Variants in MDM4 observed in about 807,000 individuals in gnomAD.
The protein encoded by MDM4 is MDM4 regulator of p53.
In MDM4, 2 loss-of-function variants were observed where a neutral mutation model predicts 60.2. The ratio of observed to expected loss-of-function variants is 0.03; its 90% CI spans 0.01 to 0.10. The LOEUF (loss-of-function observed/expected upper bound fraction) is 0.10. MDM4 is among the 10% of genes least tolerant of loss of function. MDM4 has a pLI of 1.00. For missense variants in MDM4, 447 were observed against 577.5 expected (o/e 0.77, Z 2.32); for synonymous variants, 202 against 198.1 (o/e 1.02, Z -0.17).
At chr1:204,533,112 C>T (rs1188987499) in intron 5 of MDM4, among the ~76,000 whole-genome samples, 1 of 152,194 alleles carries the variant, frequency 6.6e-6, no homozygotes, top group African/African-American at 2.4e-5. Context: ...GCCAATTTGT[C>T]TAACCCTTTG....
At chr1:204,542,094 G>A (rs780678848) in intron 7 of MDM4, among the ~76,000 whole-genome samples, 5 of 152,172 alleles carry the variant, frequency 3.3e-5, no homozygotes, top group African/African-American at 9.7e-5. Flanking sequence ...TTGAAATAAC[G>A]TGGGGTCTTA....
intron 1 of MDM4, among the ~76,000 whole-genome samples, chr1:204,517,343 C>T (rs1464258794): frequency 1.3e-5 from 2 of 152,078 alleles, no homozygotes; most frequent in Non-Finnish European, 2.9e-5. Context: ...AGCACACCTC[C>T]CAGTGATTTT....
chr1:204,545,944 A>G (rs1186439942), intron 9 of MDM4, among the ~76,000 whole-genome samples: 2 of 152,186 alleles, frequency 1.3e-5, no homozygotes, highest in African/African-American at 2.4e-5. Flanking sequence ...TTGGACCACA[A>G]AACTAGGGCT....
rs71147703 is a variant in MDM4, at chr1:204,552,872, C to CTTTTTTTTTTT, written c.*3196_*3206dup. 3 of 133,570 alleles carry CTTTTTTTTTTT rather than the reference C, an allele frequency of 2.2e-5. No individual in the cohort carries two copies. Among genetic ancestry groups the CTTTTTTTTTTT allele is most frequent in the Non-Finnish European group, 3.2e-5 (2 of 62,478 alleles). The allele number at this position is 133,570 out of a possible 1,614,324, so 8.3% of individuals were successfully genotyped here. A position where few individuals can be genotyped will look rare whatever the true frequency, so the allele number is the denominator to read the frequency against. On this transcript the variant is annotated 3_prime_UTR_variant, in exon 11 of 11. Coordinates refer to ENST00000367182, the MANE Select transcript of MDM4 (RefSeq NM_002393.5). ...AACTTTAAACTATTTCTTTTCTTTT[C>CTTTTTTTTTTT]TTTTTTTTTTTTTTTTACTTGAGAT...
chr1:204,518,808 G>A (rs931185675), intron 1 of MDM4, among the ~76,000 whole-genome samples: 3 of 152,316 alleles, frequency 2.0e-5, no homozygotes, highest in African/African-American at 7.2e-5. Context: ...TGGATTACAG[G>A]CGTTGTGCCA....
rs56047802 is a variant in MDM4 at position 204,551,461 on chromosome 1, CT to C, written c.*1808del. 4.5e-3 allele frequency: 413 copies of C among 91,276 alleles called. No individual in the cohort carries two copies. Among genetic ancestry groups the C allele is most frequent in the African/African-American group, 0.011 (151 of 13,790 alleles). 5.7% of individuals were successfully genotyped at this position (91,276 alleles called of 1,614,324 possible). The stretch of plus-strand genomic sequence containing the variant: ...ATACTGGATGGTTGAGAGGCAGCCT[CT>C]TTTTTTTTTTTTTTTTTTTTTTTTT... On this transcript the variant is annotated 3_prime_UTR_variant, in exon 11 of 11. Transcript: ENST00000367182.
intron 5 of MDM4, among the ~76,000 whole-genome samples, chr1:204,533,060 A>G (rs1050511946): frequency 2.6e-5 from 4 of 152,182 alleles, no homozygotes; most frequent in African/African-American, 9.7e-5. Context: ...AGGTCACTCA[A>G]GAACCTTTTA....
At chr1:204,524,228 A>G (rs1659877147) in intron 1 of MDM4, among the ~76,000 whole-genome samples, 1 of 152,188 alleles carries the variant, frequency 6.6e-6, no homozygotes, top group Non-Finnish European at 1.5e-5. Flanking sequence ...CTCAGAACTC[A>G]TTGTACTTAA....
intron 10 of MDM4, among the ~76,000 whole-genome samples, chr1:204,547,712 C>T (rs547453364): frequency 1.3e-5 from 2 of 152,146 alleles, no homozygotes; most frequent in Non-Finnish European, 2.9e-5. Context: ...ATACAAATAA[C>T]AGAGATAAAT....
intron 2 of MDM4, among the ~76,000 whole-genome samples, chr1:204,526,075 T>G (rs971847996): frequency 6.6e-6 from 1 of 152,010 alleles, no homozygotes; most frequent in East Asian, 1.9e-4. Flanking sequence ...GGAAACATGG[T>G]GAAACCCCCT....
chr1:204,535,348 G>T (rs533428844), intron 5 of MDM4, among the ~76,000 whole-genome samples: 201 of 151,508 alleles, frequency 1.3e-3, no homozygotes, highest in Non-Finnish European at 2.3e-3. Context: ...TAGTAGAGAC[G>T]GGGTTTCACC....
chr1:204,545,106 G>A (rs1160094929), intron 9 of MDM4, among the ~76,000 whole-genome samples: 4 of 152,114 alleles, frequency 2.6e-5, no homozygotes, highest in African/African-American at 9.7e-5. Flanking sequence ...TATCATTAGT[G>A]TTAGTGTATT....
rs2102469390 is a variant in MDM4 at position 204,551,962 on chromosome 1, A to G, written c.*2280A>G. 5.7e-6 allele frequency: 1 copy of G among 176,710 alleles called. No individual in the cohort carries two copies. Among genetic ancestry groups the G allele is most frequent in the East Asian group, 9.3e-5 (1 of 10,754 alleles). 10.9% of individuals were successfully genotyped at this position (176,710 alleles called of 1,614,324 possible). On this transcript the variant is annotated 3_prime_UTR_variant, in exon 11 of 11. Coordinates refer to ENST00000367182, the MANE Select transcript of MDM4 (RefSeq NM_002393.5). ...ACCACACATAAAATACACTAACACT[A>G]ACAATAGCTGATGAGCTAAAAAAAA...
chr1:204,527,128 CTA>C (rs1660275611), intron 3 of MDM4, among the ~76,000 whole-genome samples: 2 of 92,290 alleles, frequency 2.2e-5, no homozygotes, highest in Non-Finnish European at 2.8e-5. Flanking sequence ...AACCCTGTCT[CTA>C]AAAAAAAAAA....
rs1428762771 is a variant in MDM4 at position 204,528,774 on chromosome 1, C to T, written c.154-1910C>T. On this transcript the variant is annotated intron_variant, in intron 3 of 10. Transcript: ENST00000367182. ...GGGACAGGAAAAGAAGAGAGAGGTC[C>T]ACGTACTTCTGTCACTCTAGGAAGC... 9.1e-6 allele frequency: 8 copies of T among 883,056 alleles called. No individual in the cohort carries two copies. In the East Asian group the frequency reaches 1.5e-4, roughly 17 times the overall value. 54.7% of individuals were successfully genotyped at this position (883,056 alleles called of 1,614,324 possible).
intron 3 of MDM4, 98 bp downstream of exon 3, chr1:204,526,532 C>T (rs1159227593): frequency 2.4e-6 from 2 of 825,370 alleles, no homozygotes; most frequent in Non-Finnish European, 1.9e-6. Context: ...GGTGCGATCT[C>T]AGATCACTGC....
At chr1:204,538,358 A>T (rs1661634543) in intron 7 of MDM4, 50 bp downstream of exon 7, 1 of 958,070 alleles carries the variant, frequency 1.0e-6, no homozygotes, top group Non-Finnish European at 1.7e-6. Context: ...TCCTCTTCCA[A>T]CCTTTTTATT....
chr1:204,545,667 T>G (rs1432964785), intron 9 of MDM4, among the ~76,000 whole-genome samples: 1 of 152,228 alleles, frequency 6.6e-6, no homozygotes, highest in East Asian at 1.9e-4. Flanking sequence ...GTGGCTTGAA[T>G]TAAGACAAAA....
In MDM4 at chr1:204,546,306, G is replaced by A. The variant is rs549736656; in HGVS notation, c.823-491G>A. Among the ~76,000 whole-genome samples, 123 of 152,226 alleles carry A rather than the reference G, an allele frequency of 8.1e-4. 1 individual carries two copies. The highest frequency in any genetic ancestry group is 3.4e-3 in the Middle Eastern group (1 of 294). ...CAAGCCGGAACTCTTGGGCTCAAGCGATTCTCTTGTCTCAGCCCCCAAGTA... is the reference window on the plus strand; with the variant it reads ...CAAGCCGGAACTCTTGGGCTCAAGCAATTCTCTTGTCTCAGCCCCCAAGTA... On this transcript the variant is annotated intron_variant, in intron 9 of 10. Transcript: ENST00000367182.
Sources: allele counts gnomAD v4.1 joint callset (sites outside exome capture counted in the v4.1 genomes callset), GRCh38; gene constraint gnomAD v4.1.1; transcripts MANE v1.5; gene names NCBI Gene and HGNC (gene_info 2026-07-23, HGNC 2026-07-21).